Variants in NAA25 observed in about 807,000 individuals in gnomAD.
NAA25 encodes the protein N-alpha-acetyltransferase 25, NatB auxiliary subunit.
In NAA25, 30 loss-of-function variants were observed where a neutral mutation model predicts 132.5. The ratio of observed to expected loss-of-function variants is 0.23; its 90% CI spans 0.17 to 0.31. The LOEUF (loss-of-function observed/expected upper bound fraction) is 0.31, where lower values mean the gene tolerates loss of function less well. Ranked by LOEUF, NAA25 falls within the 10% of genes least tolerant of loss-of-function variation. The pLI is 1.00. For missense variants in NAA25, 771 were observed against 1,150.4 expected (o/e 0.67, Z 4.77); for synonymous variants, 359 against 401.9 (o/e 0.89, Z 1.28).
chr12:112,090,434 T>C, intron 3 of NAA25: 1 of 267,512 alleles, frequency 3.7e-6, no homozygotes, highest in Non-Finnish European at 7.0e-6. Flanking sequence ...TTCTATTCTA[T>C]TTTTGTCTGC....
intron 1 of NAA25, among the ~76,000 whole-genome samples, chr12:112,106,311 G>A (rs1185060957): frequency 6.6e-6 from 1 of 151,718 alleles, no homozygotes; most frequent in African/African-American, 2.4e-5. Context: ...AATAACTATG[G>A]GACCAAAGAA....
intron 1 of NAA25, among the ~76,000 whole-genome samples, chr12:112,105,146 G>T (rs1010937675): frequency 1.5e-4 from 23 of 151,542 alleles, no homozygotes; most frequent in African/African-American, 5.6e-4. Flanking sequence ...ATGGTGAAAT[G>T]CTGTCTCTAC....
intron 3 of NAA25, chr12:112,090,287 A>G (rs2079112262): frequency 6.5e-6 from 1 of 153,000 alleles, no homozygotes; most frequent in Non-Finnish European, 1.5e-5. Context: ...AACAATAAAA[A>G]CCTTTATTTC....
chr12:112,086,073 T>TACACACACACACACAC (rs1555238727), intron 4 of NAA25, among the ~76,000 whole-genome samples: 11 of 53,982 alleles, frequency 2.0e-4, no homozygotes, highest in East Asian at 2.3e-3. Flanking sequence ...TATATATATA[T>TACACACACACACACAC]ACACACACAC....
chr12:112,074,775 A>T lies in NAA25; in HGVS notation c.777-11T>A, dbSNP rs1447852865. 1 of 1,576,790 alleles carries T rather than the reference A, an allele frequency of 6.3e-7. No homozygotes were observed. Among genetic ancestry groups the T allele is most frequent in the Non-Finnish European group, 8.7e-7 (1 of 1,149,972 alleles). On this transcript the variant is annotated splice_polypyrimidine_tract_variant and intron_variant, in intron 8 of 23. Coordinates refer to ENST00000261745, the MANE Select transcript of NAA25 (RefSeq NM_024953.4). ...TGCCAGTCATCTGAGCTAAAATCAGATTGAATGATGCACACAGGATTAAAC... is the reference window on the plus strand; with the variant it reads ...TGCCAGTCATCTGAGCTAAAATCAGTTTGAATGATGCACACAGGATTAAAC...
chr12:112,085,796 G>A (rs1566027053), intron 4 of NAA25, among the ~76,000 whole-genome samples: 1 of 151,102 alleles, frequency 6.6e-6, no homozygotes, highest in Non-Finnish European at 1.5e-5. Flanking sequence ...GAGGCGAGCG[G>A]ATCATGAGGT....
intron 9 of NAA25, among the ~76,000 whole-genome samples, chr12:112,072,470 G>A (rs763027037): frequency 6.6e-6 from 1 of 151,908 alleles, no homozygotes; most frequent in Non-Finnish European, 1.5e-5. Context: ...CTAGTCGGGC[G>A]TGGTGGCATG....
chr12:112,029,737 C>T lies in NAA25; in HGVS notation c.2797-84G>A. 1.9e-6 allele frequency: 3 copies of T among 1,547,348 alleles called. No homozygotes were observed. The South Asian group carries it at 3.6e-5, about 19-fold the overall frequency. On this transcript the variant is annotated intron_variant, in intron 23 of 23. Coordinates refer to ENST00000261745, the MANE Select transcript of NAA25 (RefSeq NM_024953.4). Reference sequence around the variant, plus strand: ...AGTTCTCAGATAAAAGTTAAAGCTGCCATTACCTTTGGTCTCATTGCAAGC... The same window carrying T: ...AGTTCTCAGATAAAAGTTAAAGCTGTCATTACCTTTGGTCTCATTGCAAGC...
In NAA25 at chr12:112,027,280, G is replaced by A. The variant is rs1033105102; in HGVS notation, c.*2251C>T. On this transcript the variant is annotated 3_prime_UTR_variant, in exon 24 of 24. Coordinates refer to ENST00000261745, the MANE Select transcript of NAA25 (RefSeq NM_024953.4). ...CAAATACCAATGGCATACGATTGCTGGGAGAGGGTGCTTTTTACTCATGTA... is the reference window on the plus strand; with the variant it reads ...CAAATACCAATGGCATACGATTGCTAGGAGAGGGTGCTTTTTACTCATGTA... 1.3e-5 allele frequency: 2 copies of A among 152,186 alleles called. No homozygotes were observed. The highest frequency in any genetic ancestry group is 4.8e-5 in the African/African-American group (2 of 41,434). The allele number at this position is 152,186 out of a possible 1,614,324, so 9.4% of individuals were successfully genotyped here. A position where few individuals can be genotyped will look rare whatever the true frequency, so the allele number is the denominator to read the frequency against.
intron 4 of NAA25, among the ~76,000 whole-genome samples, chr12:112,082,803 G>A (rs553850338): frequency 2.0e-4 from 28 of 141,556 alleles, no homozygotes; most frequent in African/African-American, 6.8e-4. Flanking sequence ...TGGGGGGTGC[G>A]GGGTGTGGTA....
chr12:112,043,251 T>C, intron 18 of NAA25, 40 bp from the exon 19 acceptor site: 1 of 1,535,224 alleles, frequency 6.5e-7, no homozygotes, highest in Non-Finnish European at 8.8e-7. Flanking sequence ...TTTAAATCCA[T>C]CTAAATGCAT....
intron 1 of NAA25, among the ~76,000 whole-genome samples, chr12:112,107,097 TA>T (rs2079373637): frequency 6.6e-6 from 1 of 150,442 alleles, no homozygotes; most frequent in Admixed American, 6.7e-5. Context: ...CTGTCTCTAC[TA>T]AAAACATGGA....
chr12:112,087,772 C>T lies in NAA25; in HGVS notation c.313G>A (p.Ala105Thr). The T allele has an allele frequency of 6.2e-7, 1 of 1,613,866 alleles. No individual in the cohort carries two copies. Among genetic ancestry groups the T allele is most frequent in the Non-Finnish European group, 8.5e-7 (1 of 1,179,774 alleles). The change falls in exon 4 of 24, where the codon GCT becomes ACT. Residue 105 changes from alanine to threonine, a missense_variant. Physicochemically the swap from Ala to Thr is moderately conservative, Grantham distance 58. This residue lies in a region of NAA25 where 417 missense variants were observed against 733.8 expected (regional missense o/e 0.57). Coordinates refer to ENST00000261745, the MANE Select transcript of NAA25 (RefSeq NM_024953.4). ...PELVTKLYEA[A>T]VKKVPNSEEY... ...TCACTATTGGGAACTTTCTTCACAG[C>T]TGCCTCATAAAGTTTTGTAACTAAC... is the stretch of plus-strand genomic sequence containing the variant.
At chr12:112,106,495 A>T (rs1006727757) in intron 1 of NAA25, among the ~76,000 whole-genome samples, 6 of 152,082 alleles carry the variant, frequency 3.9e-5, no homozygotes, top group African/African-American at 1.4e-4. Context: ...CCTTGTATAT[A>T]TATCTCTGCC....
At chr12:112,044,436 C>T (rs2078347579) in intron 17 of NAA25, among the ~76,000 whole-genome samples, 2 of 148,790 alleles carry the variant, frequency 1.3e-5, no homozygotes, top group African/African-American at 2.5e-5. Flanking sequence ...TTTGGAAGGC[C>T]GAGGTGGGCA....
intron 15 of NAA25, 36 bp downstream of exon 15, chr12:112,053,522 G>T: frequency 7.0e-7 from 1 of 1,433,624 alleles, no homozygotes; most frequent in Admixed American, 1.8e-5. Flanking sequence ...GCAGTCAGCA[G>T]ACAAGATCAC....
chr12:112,061,045 A>C, intron 12 of NAA25, 136 bp downstream of exon 12: 1 of 656,456 alleles, frequency 1.5e-6, no homozygotes, highest in Non-Finnish European at 2.6e-6. Flanking sequence ...ACATCATATT[A>C]CTTAGATGGT....
intron 1 of NAA25, among the ~76,000 whole-genome samples, chr12:112,095,732 G>T (rs2136936962): frequency 6.6e-6 from 1 of 151,784 alleles, no homozygotes; most frequent in South Asian, 2.1e-4. Context: ...AACCCAATCT[G>T]AAAAGGCTAT....
chr12:112,071,323 G>GT (rs1036809993), intron 10 of NAA25, among the ~76,000 whole-genome samples: 1 of 151,716 alleles, frequency 6.6e-6, no homozygotes, highest in East Asian at 1.9e-4. Flanking sequence ...ACCCAGCCAG[G>GT]TTTTTTTATT....
Sources: gnomAD v4.1 joint callset for allele counts (sites outside exome capture counted in the v4.1 genomes callset) on GRCh38, gnomAD v4.1.1 for gene constraint, gnomAD v4.1.1 regional missense constraint, MANE v1.5 for transcripts, NCBI Gene and HGNC (gene_info 2026-07-23, HGNC 2026-07-21) for gene names.